The following GLYR1 variants were observed in gnomAD, a reference collection of about 807,000 sequenced individuals.
The protein encoded by GLYR1 is cytokine-like nuclear factor N-PAC.
In GLYR1, 21 loss-of-function variants were observed where a neutral mutation model predicts 72.7. The ratio of observed to expected loss-of-function variants is 0.29; its 90% confidence interval spans 0.20 to 0.42. The LOEUF (loss-of-function observed/expected upper bound fraction) is 0.42. Among genes scored for constraint, GLYR1 ranks in the 10% least tolerant of loss-of-function variants. The pLI is 1.00. For missense variants in GLYR1, 594 were observed against 712.1 expected, an observed-to-expected ratio of 0.83 and a Z score of 1.89; for synonymous variants, 392 against 270.2, an observed-to-expected ratio of 1.45 and a Z score of -4.42.
chr16:4,841,389 G>A (rs2085535032), intron 3 of GLYR1, among the ~76,000 whole-genome samples: 1 of 149,328 alleles, frequency 6.7e-6, no homozygotes. Context: ...GGGAGGCCGA[G>A]GTGGGAGGAT....
At chr16:4,811,512 G>A in intron 14 of GLYR1, 111 bp downstream of exon 14, 3 of 1,397,686 alleles carry the variant, frequency 2.1e-6, no homozygotes, top group East Asian at 2.3e-5. Flanking sequence ...CCTCTGGCCA[G>A]GGTCAGGGAC....
At chr16:4,846,036 T>C (rs1002023605) in intron 2 of GLYR1, 138 bp downstream of exon 2, 5 of 858,034 alleles carry the variant, frequency 5.8e-6, no homozygotes, top group African/African-American at 5.0e-5. Context: ...TAACCGATAC[T>C]AGGGGAAAAA....
At chr16:4,833,069 A>G (rs2084897173) in intron 3 of GLYR1, 157 bp from the exon 4 acceptor site, 1 of 562,044 alleles carries the variant, frequency 1.8e-6, no homozygotes, top group African/African-American at 1.9e-5. Flanking sequence ...CAACCATCTC[A>G]GAGTCTTATG....
At chr16:4,817,998 T>G in intron 9 of GLYR1, 3 of 263,904 alleles carry the variant, frequency 1.1e-5, no homozygotes, top group East Asian at 8.9e-5. Flanking sequence ...GTCCCCTTGC[T>G]GCCCTTTTTT....
At chr16:4,846,937 A>C in intron 1 of GLYR1, 1 of 460,230 alleles carries the variant, frequency 2.2e-6, no homozygotes, top group Admixed American at 4.3e-5. Context: ...GCCTCGCGGC[A>C]CCGGCGGCTC....
At chr16:4,841,999 T>C (rs1385805256) in intron 3 of GLYR1, among the ~76,000 whole-genome samples, 2 of 152,242 alleles carry the variant, frequency 1.3e-5, no homozygotes, top group East Asian at 3.9e-4. Flanking sequence ...CCCAGCACTT[T>C]GGGAGGCCGA....
chr16:4,811,707 C>T lies in GLYR1; in HGVS notation c.1378G>A (p.Val460Met), dbSNP rs1173759657. Reference protein sequence around the residue: ...TIAEGLTLAQVTGQSQQTLLD... With the variant: ...TIAEGLTLAQMTGQSQQTLLD... ...AGTGTCTGCTGGGACTGGCCTGTCACCTGGGCCAGGGTCAGCCCCTCGGCA... is the reference window on the plus strand; with the variant it reads ...AGTGTCTGCTGGGACTGGCCTGTCATCTGGGCCAGGGTCAGCCCCTCGGCA... Residue 460 changes from valine to methionine, a missense_variant, in exon 14 of 16, where the codon GTG becomes ATG. Transcript: ENST00000321919. 1.2e-6 allele frequency: 2 copies of T among 1,614,098 alleles called. No homozygotes were observed. The highest frequency in any genetic ancestry group is 2.7e-5 in the African/African-American group (2 of 74,962).
At chr16:4,821,488 T>G (rs749901968) in intron 8 of GLYR1, 35 bp from the exon 9 acceptor site, 7 of 1,614,078 alleles carry the variant, frequency 4.3e-6, no homozygotes, top group African/African-American at 4.0e-5. Flanking sequence ...CAAGTCAGTC[T>G]GCCTGCAGTT....
intron 3 of GLYR1, chr16:4,843,344 G>A (rs1434255040): frequency 4.7e-6 from 2 of 422,098 alleles, no homozygotes; most frequent in South Asian, 3.5e-5. Context: ...TTGTAGAGAC[G>A]GGGTTTTGCC....
intron 9 of GLYR1, among the ~76,000 whole-genome samples, chr16:4,820,102 A>G: frequency 6.6e-6 from 1 of 152,022 alleles, no homozygotes; most frequent in East Asian, 1.9e-4. Flanking sequence ...GGTTCAAGCG[A>G]TTCTCCCACC....
At chr16:4,837,073 C>T (rs371368195) in intron 3 of GLYR1, among the ~76,000 whole-genome samples, 44 of 152,206 alleles carry the variant, frequency 2.9e-4, no homozygotes, top group Non-Finnish European at 4.3e-4. Flanking sequence ...TTACTCCAAT[C>T]AAAATGAATT....
intron 11 of GLYR1, chr16:4,814,041 G>T: frequency 2.3e-6 from 1 of 440,108 alleles, no homozygotes; most frequent in Non-Finnish European, 4.0e-6. Context: ...GAATCTATGT[G>T]AGTGTGTGCA....
At position 4,817,704 on chromosome 16, in the gene GLYR1, C is replaced by G. The variant is rs545140251; in HGVS notation, c.807-7G>C. 11 of 1,553,866 alleles carry G rather than the reference C, an allele frequency of 7.1e-6. No homozygotes were observed. Among genetic ancestry groups the G allele is most frequent in the South Asian group, 1.1e-5 (1 of 89,840 alleles). On this transcript the variant is annotated splice_polypyrimidine_tract_variant and splice_region_variant and intron_variant, in intron 9 of 15. Coordinates refer to ENST00000321919, the MANE Select transcript of GLYR1 (RefSeq NM_032569.4). ...AAGGCCCAAAAATCCTATCCTGAAA[C>G]AGAGAGAGACTGATGAGTTCAGGGT...
chr16:4,821,704 A>G, intron 7 of GLYR1, 107 bp from the exon 8 acceptor site: 1 of 1,013,504 alleles, frequency 9.9e-7, no homozygotes, highest in Non-Finnish European at 1.6e-6. Context: ...AACATCAACT[A>G]TTTGTTTTAT....
chr16:4,830,221 C>CTTTTTT (rs35409655), intron 5 of GLYR1, among the ~76,000 whole-genome samples: 1 of 123,608 alleles, frequency 8.1e-6, no homozygotes. Context: ...CCAACTTTGT[C>CTTTTTT]TTTTTTTTTT....
At chr16:4,828,915 G>A (rs779288268) in intron 5 of GLYR1, among the ~76,000 whole-genome samples, 2 of 152,014 alleles carry the variant, frequency 1.3e-5, no homozygotes, top group African/African-American at 4.8e-5. Context: ...CACAGGCACC[G>A]GTGAGATGCA....
chr16:4,847,085 G>A (rs2086193943), intron 1 of GLYR1, 143 bp downstream of exon 1: 2 of 774,696 alleles, frequency 2.6e-6, no homozygotes, highest in African/African-American at 1.8e-5. Context: ...GCCTGGCGCC[G>A]CTCGCAAGCG....
chr16:4,811,844 A>T, intron 13 of GLYR1, 42 bp from the exon 14 acceptor site: 1 of 1,584,266 alleles, frequency 6.3e-7, no homozygotes, highest in East Asian at 2.3e-5. Context: ...CAAGAATGCC[A>T]CAGACAGGGC....
chr16:4,806,790 C>T (rs1252046429), intron 15 of GLYR1, among the ~76,000 whole-genome samples: 1 of 151,612 alleles, frequency 6.6e-6, no homozygotes, highest in East Asian at 1.9e-4. Context: ...ATAAATGAAA[C>T]TGGAATTCTT....
Sources: gnomAD v4.1 joint callset for allele counts (sites outside exome capture counted in the v4.1 genomes callset) on GRCh38, gnomAD v4.1.1 for gene constraint, MANE v1.5 for transcripts, NCBI Gene and HGNC (gene_info 2026-07-23, HGNC 2026-07-21) for gene names.